MIPEP: variants seen among roughly 807,000 people sequenced by gnomAD.
MIPEP encodes the protein mitochondrial intermediate peptidase.
A neutral mutation model predicts 90.3 loss-of-function variants in MIPEP; 79 were observed. That is an observed-to-expected ratio of 0.87 (90% CI 0.73 to 1.05). MIPEP has a LOEUF of 1.05. Ranked by LOEUF, MIPEP falls within the 50% of genes least tolerant of loss-of-function variation. MIPEP has a pLI of 0.00. For synonymous variants in MIPEP, 334 were observed against 315.8 expected, an observed-to-expected ratio of 1.06 and a Z score of -0.61; for missense variants, 940 against 905.6, an observed-to-expected ratio of 1.04 and a Z score of -0.49.
chr13:23,851,157 A>G (rs554188429), intron 10 of MIPEP, among the ~76,000 whole-genome samples: 10 of 152,302 alleles, frequency 6.6e-5, no homozygotes, highest in Non-Finnish European at 1.3e-4. Context: ...AACTGGAGAA[A>G]TCACCACCCC....
intron 10 of MIPEP, among the ~76,000 whole-genome samples, chr13:23,856,200 C>A (rs914305598): frequency 3.9e-5 from 6 of 152,214 alleles, no homozygotes; most frequent in Non-Finnish European, 7.3e-5. Flanking sequence ...AAGGCTAGTG[C>A]AGACTCAGCA....
Position 23,858,876 on chromosome 13 carries a change from C to T in MIPEP, c.1090G>A (p.Val364Met), listed in dbSNP as rs780905427. 3.0e-5 allele frequency: 48 copies of T among 1,613,570 alleles called. No individual in the cohort carries two copies. Among genetic ancestry groups the T allele is most frequent in the Non-Finnish European group, 4.0e-5 (47 of 1,179,688 alleles). Residue 364 changes from valine to methionine, a missense_variant, in exon 10 of 19, where the codon GTG becomes ATG. Physicochemically the swap from Val to Met is conservative, Grantham distance 21 (BLOSUM62 1). Coordinates refer to ENST00000382172, the MANE Select transcript of MIPEP (RefSeq NM_005932.4). Reference protein sequence around the residue: ...MPWDPPYYSGVIRAERYNIEP... With the variant: ...MPWDPPYYSGMIRAERYNIEP... ...AAAACTTACCTTTCTGCACGAATCA[C>T]ACCACTGTAGTAAGGGGGGTCCCAG...
chr13:23,779,940 T>C (rs1952761857), intron 16 of MIPEP, among the ~76,000 whole-genome samples: 1 of 152,084 alleles, frequency 6.6e-6, no homozygotes, highest in Non-Finnish European at 1.5e-5. Context: ...AAGCTTTGAG[T>C]AGGTAAACAA....
chr13:23,881,324 C>T (rs1311652003), intron 3 of MIPEP, among the ~76,000 whole-genome samples: 7 of 152,172 alleles, frequency 4.6e-5, no homozygotes, highest in African/African-American at 1.7e-4. Context: ...CACTAAAAAG[C>T]CCTTATTTAA....
At chr13:23,736,454 AT>A (rs1952264581) in intron 18 of MIPEP, among the ~76,000 whole-genome samples, 1 of 152,202 alleles carries the variant, frequency 6.6e-6, no homozygotes, top group Non-Finnish European at 1.5e-5. Flanking sequence ...CTAAGAAAAG[AT>A]GGTACAAGCC....
rs1328931653 is a variant in MIPEP at position 23,836,559 on chromosome 13, CA to C, written c.1544-211del. ...ATTTTCCTTTATATCAAAATTAAAA[CA>C]AAATATTTGCACAGCTGCTAAAACA... On this transcript the variant is annotated intron_variant, in intron 13 of 18. Coordinates refer to ENST00000382172, the MANE Select transcript of MIPEP (RefSeq NM_005932.4). Among the ~76,000 whole-genome samples the C allele has an allele frequency of 3.9e-5, 6 of 152,094 alleles. No homozygotes were observed. The South Asian group carries it at 6.2e-4, about 16-fold the overall frequency.
Position 23,864,137 on chromosome 13 carries a change from T to C in MIPEP, c.992+4A>G. 5 of 1,528,726 alleles carry C rather than the reference T, an allele frequency of 3.3e-6. No homozygotes were observed. The highest frequency in any genetic ancestry group is 3.6e-6 in the Non-Finnish European group (4 of 1,124,450). The allele number at this position is 1,528,726 out of a possible 1,614,324, so 94.7% of individuals were successfully genotyped here. On this transcript the variant is annotated splice_donor_region_variant and intron_variant, in intron 8 of 18. Transcript: ENST00000382172. ...AAAAACTAAATAGTAGAATAAAAAC[T>C]AACCTTTCAGAAAGTTTGTCAGATA...
intron 16 of MIPEP, among the ~76,000 whole-genome samples, chr13:23,786,085 G>T (rs539558822): frequency 2.0e-5 from 3 of 152,110 alleles, no homozygotes; most frequent in African/African-American, 7.2e-5. Flanking sequence ...AAATTAACCA[G>T]GCATGGTGGC....
chr13:23,741,833 A>T lies in MIPEP; in HGVS notation c.2045-11388T>A, dbSNP rs573463913. Among the ~76,000 whole-genome samples the T allele has an allele frequency of 7.0e-3, 1,059 of 152,184 alleles. 19 individuals carry two copies. The highest frequency in any genetic ancestry group is 0.025 in the African/African-American group (1,020 of 41,524). On this transcript the variant is annotated intron_variant, in intron 18 of 18. Coordinates refer to ENST00000382172, the MANE Select transcript of MIPEP (RefSeq NM_005932.4). ...AACCTAGAAAAAAAATTTAAAAAAA[A>T]AAAATAAAAGTTAAAAGCTAGTCAT... is the stretch of plus-strand genomic sequence containing the variant.
intron 14 of MIPEP, among the ~76,000 whole-genome samples, chr13:23,831,386 G>C (rs115440046): frequency 2.9e-5 from 2 of 69,412 alleles, no homozygotes; most frequent in African/African-American, 1.0e-4. Flanking sequence ...CCCATGGCGG[G>C]GGGGGGATGT....
chr13:23,889,022 T>A, intron 1 of MIPEP, 110 bp downstream of exon 1: 1 of 1,062,338 alleles, frequency 9.4e-7, no homozygotes, highest in Non-Finnish European at 1.2e-6. Context: ...GTGGGTTCGC[T>A]GCTCGCCTCC....
chr13:23,802,297 G>A (rs1199418729), intron 16 of MIPEP, among the ~76,000 whole-genome samples: 1 of 152,066 alleles, frequency 6.6e-6, no homozygotes, highest in Non-Finnish European at 1.5e-5. Flanking sequence ...TCCAATGGCC[G>A]GGCATGGTGG....
chr13:23,813,749 G>A (rs1458759375), intron 14 of MIPEP, among the ~76,000 whole-genome samples: 1 of 152,106 alleles, frequency 6.6e-6, no homozygotes, highest in East Asian at 1.9e-4. Context: ...ACAGGCATGA[G>A]CCACCGTGTC....
chr13:23,781,936 A>G (rs1356355303), intron 16 of MIPEP, among the ~76,000 whole-genome samples: 2 of 152,216 alleles, frequency 1.3e-5, no homozygotes, highest in Non-Finnish European at 2.9e-5. Context: ...CCAATACAGG[A>G]GCACCCAGAT....
chr13:23,780,201 C>A (rs1300078374), intron 16 of MIPEP, among the ~76,000 whole-genome samples: 5 of 152,178 alleles, frequency 3.3e-5, no homozygotes, highest in Non-Finnish European at 7.3e-5. Flanking sequence ...GGGAGGCACC[C>A]CCCAGTAGGG....
At position 23,841,475 on chromosome 13, in the gene MIPEP, G is replaced by A. The variant is rs1321541766; in HGVS notation, c.1120C>T (p.Pro374Ser). 1.2e-6 allele frequency: 2 copies of A among 1,611,760 alleles called. No homozygotes were observed. Among genetic ancestry groups the A allele is most frequent in the East Asian group, 2.2e-5 (1 of 44,838 alleles). ...GAGAAAAACGGGCAATATAGGCTGG[G>A]CTCAATATTATACCTAAGAGAAGGA... ...VIRAERYNIE[P>S]SLYCPFFSLG... Residue 374 changes from proline to serine, a missense_variant, in exon 11 of 19, where the codon CCC (proline) becomes TCC (serine). Transcript: ENST00000382172.
chr13:23,802,977 T>C lies in MIPEP; in HGVS notation c.1848+2973A>G, dbSNP rs189256036. The stretch of plus-strand genomic sequence containing the variant: ...TATTAAATGTATTTTTGACTTATGA[T>C]AGTTTCAACTTACAATGGGTTATTG... On this transcript the variant is annotated intron_variant, in intron 16 of 18. Coordinates refer to ENST00000382172, the MANE Select transcript of MIPEP (RefSeq NM_005932.4). Among the ~76,000 whole-genome samples, 154 of 152,320 alleles carry C rather than the reference T, an allele frequency of 1.0e-3. 2 individuals are homozygous for C. Among genetic ancestry groups the C allele is most frequent in the African/African-American group, 3.6e-3 (148 of 41,584 alleles).
chr13:23,794,689 T>C (rs1422255871), intron 16 of MIPEP, among the ~76,000 whole-genome samples: 1 of 152,132 alleles, frequency 6.6e-6, no homozygotes. Flanking sequence ...GCATTATTCA[T>C]GAAAACCAAG....
At chr13:23,760,065 G>C in intron 17 of MIPEP, 31 bp downstream of exon 17, 1 of 1,613,594 alleles carries the variant, frequency 6.2e-7, no homozygotes, top group East Asian at 2.2e-5. Context: ...TGTGGTCCAA[G>C]ATGGGGACAT....
Sources: allele counts gnomAD v4.1 joint callset (sites outside exome capture counted in the v4.1 genomes callset), GRCh38; gene constraint gnomAD v4.1.1; transcripts MANE v1.5; gene names NCBI Gene and HGNC (gene_info 2026-07-23, HGNC 2026-07-21).